Variants in ASNSD1 observed in about 807,000 individuals in gnomAD.
The protein encoded by ASNSD1 is asparagine synthetase domain containing 1.
A neutral mutation model predicts 48.3 loss-of-function variants in ASNSD1; 36 were observed. The observed-to-expected ratio is 0.75, with a 90% CI of 0.57 to 0.99. The LOEUF (loss-of-function observed/expected upper bound fraction) is 0.99. ASNSD1 is among the 50% of genes least tolerant of loss of function. ASNSD1 has a pLI of 0.00. For missense variants in ASNSD1, 714 were observed against 758.2 expected (o/e 0.94, Z 0.69); for synonymous variants, 257 against 262.1 (o/e 0.98, Z 0.19).
chr2:189,661,668 C>G, intron 1 of ASNSD1, 58 bp downstream of exon 1: 1 of 399,222 alleles, frequency 2.5e-6, no homozygotes, highest in East Asian at 3.6e-5. Context: ...CCACTGGACC[C>G]TGAAGGTGGT....
chr2:189,665,614 A>ATATATGTATG (rs1300656417), intron 3 of ASNSD1, among the ~76,000 whole-genome samples, 163 bp downstream of exon 3: 1 of 95,636 alleles, frequency 1.0e-5, no homozygotes, highest in Admixed American at 1.0e-4. Flanking sequence ...ATATATATAT[A>ATATATGTATG]TATATATATA....
At position 189,666,193 on chromosome 2, in the gene ASNSD1, G is replaced by T; in HGVS notation, c.61G>T (p.Glu21Ter). ...SAEHFSQDLK[E>*]DLLYNLKQRG... is the part of the protein sequence containing the mutation. The stretch of plus-strand genomic sequence containing the variant: ...TGAGCATTTCAGTCAAGATTTAAAA[G>T]AGGACTTACTATATAATCTTAAACA... The change falls in exon 4 of 6, where the codon GAG becomes TAG. Residue 21 changes from glutamate to a stop codon, truncating the protein, a stop_gained. Coordinates refer to ENST00000260952, the MANE Select transcript of ASNSD1 (RefSeq NM_019048.4). LOFTEE classifies it high-confidence loss of function. 6.2e-7 allele frequency: 1 copy of T among 1,607,336 alleles called. No homozygotes were observed.
chr2:189,669,842 T>C (rs1446400446), intron 5 of ASNSD1, among the ~76,000 whole-genome samples: 1 of 152,220 alleles, frequency 6.6e-6, no homozygotes, highest in African/African-American at 2.4e-5. Context: ...TACAGTAATT[T>C]ATCACCATTT....
rs1318583503 is a variant in ASNSD1 at position 189,661,626 on chromosome 2, G to A, written c.-223+16G>A. On this transcript the variant is annotated intron_variant, in intron 1 of 5. Coordinates refer to ENST00000260952, the MANE Select transcript of ASNSD1 (RefSeq NM_019048.4). ...AAGCAGCAAGGTGAGTGTGAGACGC[G>A]ACGAAAAGGCTCCTGGACTCGGGAC... 2 of 399,386 alleles carry A rather than the reference G, an allele frequency of 5.0e-6. No individual in the cohort carries two copies. Among genetic ancestry groups the A allele is most frequent in the Non-Finnish European group, 8.8e-6 (2 of 226,324 alleles). 24.7% of individuals were successfully genotyped at this position (399,386 alleles called of 1,614,324 possible). A position where few individuals can be genotyped will look rare whatever the true frequency, so the allele number is the denominator to read the frequency against.
chr2:189,662,659 G>T (rs78329282), intron 1 of ASNSD1, among the ~76,000 whole-genome samples: 5,120 of 152,270 alleles, frequency 0.034, 105 homozygotes, highest in South Asian at 0.069. Flanking sequence ...TGAGGTGTGT[G>T]TGAGGTAGCA....
At position 189,665,312 on chromosome 2, in the gene ASNSD1, T is replaced by G. The variant is rs181567607; in HGVS notation, c.-168-64T>G. 3.5e-3 allele frequency: 1,369 copies of G among 387,358 alleles called. 33 individuals are homozygous for G. The highest frequency in any genetic ancestry group is 4.1e-4 in the Non-Finnish European group (89 of 218,694). 24.0% of individuals were successfully genotyped at this position (387,358 alleles called of 1,614,324 possible). A position where few individuals can be genotyped will look rare whatever the true frequency, so the allele number is the denominator to read the frequency against. On this transcript the variant is annotated intron_variant, in intron 2 of 5. Transcript: ENST00000260952. ...TTTCAAGAATTAGTGATAATAGGGT[T>G]TAAGGATTTTAATATCTACTTTTTA... is the stretch of plus-strand genomic sequence containing the variant.
intron 1 of ASNSD1, among the ~76,000 whole-genome samples, chr2:189,661,946 T>C (rs1054816994): frequency 6.6e-6 from 1 of 152,186 alleles, no homozygotes; most frequent in Non-Finnish European, 1.5e-5. Context: ...TCCATCCAGT[T>C]AACCATGCCA....
At chr2:189,670,024 G>A (rs543146692) in intron 5 of ASNSD1, among the ~76,000 whole-genome samples, 36 of 152,026 alleles carry the variant, frequency 2.4e-4, no homozygotes, top group Non-Finnish European at 4.0e-4. Flanking sequence ...GATCATGCTC[G>A]TAGGCTAGGT....
At position 189,666,231 on chromosome 2, in the gene ASNSD1, T is replaced by A; in HGVS notation, c.99T>A (p.Asn33Lys). The A allele has an allele frequency of 6.2e-7, 1 of 1,614,106 alleles. No homozygotes were observed. Among genetic ancestry groups the A allele is most frequent in the Non-Finnish European group, 8.5e-7 (1 of 1,179,982 alleles). The change falls in exon 4 of 6, where the codon AAT becomes AAA. Residue 33 changes from asparagine (N) to lysine (K), a missense_variant. Physicochemically the swap from Asn to Lys is moderately conservative, Grantham distance 94 (BLOSUM62 0). Coordinates refer to ENST00000260952, the MANE Select transcript of ASNSD1 (RefSeq NM_019048.4). ...ATAATCTTAAACAGCGGGGACCCAA[T>A]AGTAGTAAACAATTGTTAAAGTCTG... is the stretch of plus-strand genomic sequence containing the variant. ...LLYNLKQRGPNSSKQLLKSDV... is the reference protein window; with the variant it reads ...LLYNLKQRGPKSSKQLLKSDV...
In ASNSD1 at chr2:189,667,204, G is replaced by A; in HGVS notation, c.1072G>A (p.Ala358Thr). Residue 358 changes from alanine (A) to threonine (T), a missense_variant, in exon 4 of 6, where the codon GCT (alanine) becomes ACT (threonine). Physicochemically the swap from Ala to Thr is moderately conservative, Grantham distance 58. Coordinates refer to ENST00000260952, the MANE Select transcript of ASNSD1 (RefSeq NM_019048.4). The part of the protein sequence containing the change: ...PIDLLNVAFI[A>T]EEKTMPTTFN... The stretch of plus-strand genomic sequence containing the variant: ...TGATCTTCTTAATGTAGCTTTCATA[G>A]CTGAAGAAAAGACCATGCCAACTAC... 1 of 1,614,130 alleles carries A rather than the reference G, an allele frequency of 6.2e-7. No homozygotes were observed. The highest frequency in any genetic ancestry group is 8.5e-7 in the Non-Finnish European group (1 of 1,180,030).
At position 189,666,630 on chromosome 2, in the gene ASNSD1, G is replaced by C; in HGVS notation, c.498G>C (p.Leu166Phe). ...LSSVGTQTSG[L>F]ANQWQEVPAS... is the part of the protein sequence containing the mutation. ...CAGTTGGCACCCAAACATCTGGATT[G>C]GCAAATCAGTGGCAAGAAGTTCCAG... is the stretch of plus-strand genomic sequence containing the variant. The change falls in exon 4 of 6, where the codon TTG becomes TTC. Residue 166 changes from leucine (L) to phenylalanine (F), a missense_variant. Coordinates refer to ENST00000260952, the MANE Select transcript of ASNSD1 (RefSeq NM_019048.4). 1 of 1,614,114 alleles carries C rather than the reference G, an allele frequency of 6.2e-7. No individual in the cohort carries two copies. The highest frequency in any genetic ancestry group is 8.5e-7 in the Non-Finnish European group (1 of 1,180,024).
In ASNSD1 at chr2:189,663,576, C is replaced by A. The variant is rs1411147031; in HGVS notation, c.-222-325C>A. Among the ~76,000 whole-genome samples, 2 of 152,190 alleles carry A rather than the reference C, an allele frequency of 1.3e-5. 1 individual carries two copies. Among genetic ancestry groups the A allele is most frequent in the Admixed American group, 1.3e-4 (2 of 15,268 alleles). ...CCTGGTGTATATCATATATTTTTAA[C>A]AAAAGGTATAAACCTTGTTTAGTAA... On this transcript the variant is annotated intron_variant, in intron 1 of 5. Coordinates refer to ENST00000260952, the MANE Select transcript of ASNSD1 (RefSeq NM_019048.4).
At chr2:189,661,856 T>C (rs2032672801) in intron 1 of ASNSD1, among the ~76,000 whole-genome samples, 1 of 152,244 alleles carries the variant, frequency 6.6e-6, no homozygotes, top group Non-Finnish European at 1.5e-5. Flanking sequence ...GGCGGAGTTT[T>C]GGTTGGGTGT....
chr2:189,666,073 G>T lies in ASNSD1; in HGVS notation c.-60G>T. 1.4e-6 allele frequency: 2 copies of T among 1,459,314 alleles called. No individual in the cohort carries two copies. Among genetic ancestry groups the T allele is most frequent in the Non-Finnish European group, 1.8e-6 (2 of 1,099,176 alleles). 90.4% of individuals were successfully genotyped at this position (1,459,314 alleles called of 1,614,324 possible). On this transcript the variant is annotated 5_prime_UTR_variant, in exon 4 of 6. An upstream open reading frame in the 5' UTR gains an earlier in-frame stop. Coordinates refer to ENST00000260952, the MANE Select transcript of ASNSD1 (RefSeq NM_019048.4). ...GGATGAACTGAAAAAAGAATACCAA[G>T]AAATAGAAAACTTAGACAAGACCAA...
chr2:189,661,636 C>T (rs776296653), intron 1 of ASNSD1, 26 bp downstream of exon 1: 9 of 399,348 alleles, frequency 2.3e-5, no homozygotes, highest in Non-Finnish European at 3.5e-5. Context: ...GACGAAAAGG[C>T]TCCTGGACTC....
Position 189,665,574 on chromosome 2 carries a change from G to A in ASNSD1, c.-93+123G>A, listed in dbSNP as rs892094662. ...TTCTTCAAATTAGGCTTCCGAAGAT[G>A]AGTCAACAGTTATATATATATGTGT... On this transcript the variant is annotated intron_variant, in intron 3 of 5. Coordinates refer to ENST00000260952, the MANE Select transcript of ASNSD1 (RefSeq NM_019048.4). The A allele has an allele frequency of 2.2e-4, 49 of 224,362 alleles. 1 individual carries two copies. Among genetic ancestry groups the A allele is most frequent in the Non-Finnish European group, 3.4e-4 (43 of 125,262 alleles). 13.9% of individuals were successfully genotyped at this position (224,362 alleles called of 1,614,324 possible). A position where few individuals can be genotyped will look rare whatever the true frequency, so the allele number is the denominator to read the frequency against.
rs1223887610 is a variant in ASNSD1, at chr2:189,661,539, C to T, written c.-294C>T. 1 of 399,150 alleles carries T rather than the reference C, an allele frequency of 2.5e-6. No homozygotes were observed. The highest frequency in any genetic ancestry group is 4.4e-6 in the Non-Finnish European group (1 of 226,262). 24.7% of individuals were successfully genotyped at this position (399,150 alleles called of 1,614,324 possible). A position where few individuals can be genotyped will look rare whatever the true frequency, so the allele number is the denominator to read the frequency against. ...GGTGGAAATGCCCAGCCGAGGGACG[C>T]GACCAGAGGACAGCTCTGTGCTGAT... On this transcript the variant is annotated 5_prime_UTR_variant, in exon 1 of 6. An upstream open reading frame in the 5' UTR gains an earlier in-frame stop. Transcript: ENST00000260952.
At chr2:189,663,584 A>G (rs1262554511) in intron 1 of ASNSD1, among the ~76,000 whole-genome samples, 9 of 152,216 alleles carry the variant, frequency 5.9e-5, no homozygotes, top group Non-Finnish European at 1.2e-4. Flanking sequence ...AACAAAAGGT[A>G]TAAACCTTGT....
chr2:189,662,427 C>T (rs374602329), intron 1 of ASNSD1, among the ~76,000 whole-genome samples: 2 of 152,196 alleles, frequency 1.3e-5, no homozygotes, highest in Non-Finnish European at 2.9e-5. Flanking sequence ...GAAATGTACA[C>T]CTGTCATTCC....
Sources: gnomAD v4.1 joint callset for allele counts (sites outside exome capture counted in the v4.1 genomes callset) on GRCh38, gnomAD v4.1.1 for gene constraint, MANE v1.5 for transcripts, NCBI Gene and HGNC (gene_info 2026-07-23, HGNC 2026-07-21) for gene names.